The following FLYWCH1 variants were observed in gnomAD, a reference collection of about 807,000 sequenced individuals.
FLYWCH1 encodes the protein FLYWCH-type zinc finger 1, also known as FLYWCH-type zinc finger-containing protein 1.
In FLYWCH1, 75 loss-of-function variants were observed where a neutral mutation model predicts 66.4. The observed-to-expected ratio is 1.13, with a 90% CI of 0.94 to 1.37. FLYWCH1 has a LOEUF of 1.37. Among genes scored for constraint, FLYWCH1 ranks in the 40% most tolerant of loss-of-function variants. The probability of loss-of-function intolerance (pLI) is 0.00; values close to 1 mark genes in which losing one functional copy is unlikely to be tolerated. For synonymous variants in FLYWCH1, 595 were observed against 429.9 expected (o/e 1.38, Z -4.75); for missense variants, 1,334 against 1,001.8 (o/e 1.33, Z -4.48).
chr16:2,933,208 G>C lies in FLYWCH1; in HGVS notation c.875G>C (p.Arg292Pro), dbSNP rs367874316. 3 of 1,613,726 alleles carry C rather than the reference G, an allele frequency of 1.9e-6. No homozygotes were observed. The highest frequency in any genetic ancestry group is 2.5e-6 in the Non-Finnish European group (3 of 1,179,850). Residue 292 changes from arginine (R) to proline (P), a missense_variant, in exon 5 of 10, where the codon CGG becomes CCG. Transcript: ENST00000253928. ...FLVHESFLYK[R>P]EKAVGDKVYW... ...GTACACGAGTCGTTCCTCTACAAGCGGGAGAAGGCTGTCGGGGACAAGGTG... is the reference window on the plus strand; with the variant it reads ...GTACACGAGTCGTTCCTCTACAAGCCGGAGAAGGCTGTCGGGGACAAGGTG...
Position 2,937,145 on chromosome 16 carries a change from C to T in FLYWCH1, c.1538C>T (p.Pro513Leu). ...GGAGGCCCCGAGTTCCTGAAGACGCCCCTGGGGGGCAGCTTCCTGGTGTAC... is the reference window on the plus strand; with the variant it reads ...GGAGGCCCCGAGTTCCTGAAGACGCTCCTGGGGGGCAGCTTCCTGGTGTAC... ...SPGGPEFLKT[P>L]LGGSFLVYES... is the part of the protein sequence containing the mutation. The change falls in exon 7 of 10, where the codon CCC becomes CTC. Residue 513 changes from proline to leucine, a missense_variant. By Grantham distance (98) the Pro-to-Leu change is moderately conservative. Coordinates refer to ENST00000253928, the MANE Select transcript of FLYWCH1 (RefSeq NM_001308068.2). The T allele has an allele frequency of 6.2e-7, 1 of 1,608,848 alleles. No individual in the cohort carries two copies. Among genetic ancestry groups the T allele is most frequent in the Admixed American group, 1.7e-5 (1 of 59,358 alleles).
At chr16:2,914,124 A>G (rs2070086913) in intron 1 of FLYWCH1, 52 bp from the exon 2 acceptor site, 1 of 152,236 alleles carries the variant, frequency 6.6e-6, no homozygotes, top group African/African-American at 2.4e-5. Flanking sequence ...TCGACAGTTC[A>G]TGGAATAATT....
intron 9 of FLYWCH1, among the ~76,000 whole-genome samples, chr16:2,947,182 G>T (rs2071520073): frequency 6.6e-6 from 1 of 152,152 alleles, no homozygotes; most frequent in African/African-American, 2.4e-5. Context: ...CTACAATGAG[G>T]ATGCACCTTG....
chr16:2,944,421 C>CAATTATG (rs898713256), intron 9 of FLYWCH1, among the ~76,000 whole-genome samples: 1 of 150,122 alleles, frequency 6.7e-6, no homozygotes, highest in African/African-American at 2.4e-5. Context: ...AGATCACATA[C>CAATTATG]AATTATGTAT....
chr16:2,939,236 A>G (rs1403082654), intron 8 of FLYWCH1, among the ~76,000 whole-genome samples: 5 of 152,174 alleles, frequency 3.3e-5, no homozygotes, highest in Non-Finnish European at 7.4e-5. Context: ...ACCTGAGGTC[A>G]GGAGTTCGAG....
chr16:2,948,630 TTATC>T, intron 9 of FLYWCH1, 54 bp from the exon 10 acceptor site: 2 of 1,555,108 alleles, frequency 1.3e-6, no homozygotes, highest in East Asian at 2.2e-5. Context: ...ACTTTCTGTG[TTATC>T]TATTTCCACC....
chr16:2,935,028 A>C (rs1381070760), intron 6 of FLYWCH1: 2 of 155,316 alleles, frequency 1.3e-5, no homozygotes, highest in African/African-American at 4.9e-5. Context: ...GGTTCAAGCA[A>C]TTCTCCTGCC....
intron 9 of FLYWCH1, among the ~76,000 whole-genome samples, chr16:2,947,209 G>T (rs575841977): frequency 6.6e-6 from 1 of 152,298 alleles, no homozygotes; most frequent in African/African-American, 2.4e-5. Context: ...CCATCTTAAA[G>T]AAGCCAGTCA....
At chr16:2,934,611 C>G (rs1459446104) in intron 6 of FLYWCH1, 3 of 456,790 alleles carry the variant, frequency 6.6e-6, no homozygotes, top group Non-Finnish European at 1.3e-5. Flanking sequence ...CTTCACGCCC[C>G]AAGGCGCTGG....
At chr16:2,914,636 C>G (rs539549772) in intron 2 of FLYWCH1, among the ~76,000 whole-genome samples, 1 of 152,138 alleles carries the variant, frequency 6.6e-6, no homozygotes, top group African/African-American at 2.4e-5. Flanking sequence ...TGGTGGTTCA[C>G]GTCTGTAATC....
At chr16:2,937,706 C>T (rs868621998) in intron 7 of FLYWCH1, among the ~76,000 whole-genome samples, 3 of 152,142 alleles carry the variant, frequency 2.0e-5, no homozygotes, top group Non-Finnish European at 4.4e-5. Context: ...CCTGGACACT[C>T]TTGGTCTACC....
intron 3 of FLYWCH1, 85 bp from the exon 4 acceptor site, chr16:2,930,325 G>T: frequency 1.2e-6 from 1 of 826,006 alleles, no homozygotes. Context: ...CCATACTCAG[G>T]ATCCCCACGC....
intron 9 of FLYWCH1, among the ~76,000 whole-genome samples, chr16:2,941,989 TC>T (rs2071280738): frequency 1.4e-5 from 1 of 69,778 alleles, no homozygotes; most frequent in African/African-American, 6.6e-5. Context: ...AGAGCAAGAC[TC>T]ATCTCAAAAA....
intron 6 of FLYWCH1, chr16:2,936,173 A>G (rs2070990367): frequency 6.5e-6 from 2 of 308,322 alleles, no homozygotes; most frequent in African/African-American, 4.4e-5. Context: ...GGCCTCCCAA[A>G]GTGCTGGGAT....
At chr16:2,933,096 C>G (rs2070829449) in intron 4 of FLYWCH1, 34 bp from the exon 5 acceptor site, 1 of 1,585,724 alleles carries the variant, frequency 6.3e-7, no homozygotes, top group African/African-American at 1.3e-5. Context: ...CCTCTCCACC[C>G]CTGGTGATGT....
intron 2 of FLYWCH1, among the ~76,000 whole-genome samples, chr16:2,914,650 G>A (rs1298044751): frequency 6.6e-6 from 1 of 152,146 alleles, no homozygotes; most frequent in Non-Finnish European, 1.5e-5. Flanking sequence ...TGTAATCCCA[G>A]CACTTTGGGA....
intron 2 of FLYWCH1, among the ~76,000 whole-genome samples, chr16:2,923,844 C>G (rs1481819226): frequency 2.6e-5 from 4 of 152,038 alleles, no homozygotes; most frequent in Non-Finnish European, 4.4e-5. Flanking sequence ...TCGAGACCAG[C>G]CTGACCAACA....
chr16:2,944,942 T>C (rs2071419247), intron 9 of FLYWCH1, among the ~76,000 whole-genome samples: 1 of 152,202 alleles, frequency 6.6e-6, no homozygotes. Context: ...AAATGTATTA[T>C]TGTCCCTGAA....
Position 2,933,534 on chromosome 16 carries a change from A to C in FLYWCH1, c.1201A>C (p.Thr401Pro), listed in dbSNP as rs773687359. The C allele has an allele frequency of 6.2e-7, 1 of 1,609,648 alleles. No homozygotes were observed. Among genetic ancestry groups the C allele is most frequent in the Non-Finnish European group, 8.5e-7 (1 of 1,177,920 alleles). Reference sequence around the variant, plus strand: ...AAAGGTCGAAGACCAGGAGCTGCCAACCCAGCCCGAGGCCCCAGACGAGCA... The same window carrying C: ...AAAGGTCGAAGACCAGGAGCTGCCACCCCAGCCCGAGGCCCCAGACGAGCA... ...RAKVEDQELP[T>P]QPEAPDEHQD... Residue 401 changes from threonine (T) to proline (P), a missense_variant, in exon 5 of 10, where the codon ACC (threonine) becomes CCC (proline). Physicochemically the swap from Thr to Pro is conservative, Grantham distance 38. Coordinates refer to ENST00000253928, the MANE Select transcript of FLYWCH1 (RefSeq NM_001308068.2).
Sources: allele counts gnomAD v4.1 joint callset (sites outside exome capture counted in the v4.1 genomes callset), GRCh38; gene constraint gnomAD v4.1.1; transcripts MANE v1.5; gene names NCBI Gene and HGNC (gene_info 2026-07-23, HGNC 2026-07-21).